The following ERCC6 variants were observed in gnomAD, a reference collection of about 807,000 sequenced individuals.
ERCC6 encodes DNA excision repair protein ERCC-6.
Under a neutral mutation model 158.7 loss-of-function variants are expected in ERCC6, and 116 were observed. The observed-to-expected ratio is 0.73, with a 90% confidence interval of 0.63 to 0.85. The LOEUF (loss-of-function observed/expected upper bound fraction) is 0.85. ERCC6 is among the 40% of genes least tolerant of loss of function. ERCC6 has a pLI of 0.00. For synonymous variants in ERCC6, 678 were observed against 659.3 expected, an observed-to-expected ratio of 1.03 and a Z score of -0.43; for missense variants, 1,698 against 1,799.4, an observed-to-expected ratio of 0.94 and a Z score of 1.02.
In ERCC6 at chr10:49,524,030, G is replaced by A; in HGVS notation, c.1397+3C>T. The A allele has an allele frequency of 3.1e-6, 5 of 1,612,820 alleles. No homozygotes were observed. The highest frequency in any genetic ancestry group is 1.1e-5 in the South Asian group (1 of 91,020). The stretch of plus-strand genomic sequence containing the variant: ...AATGTATTTATAATCCCCACAGACC[G>A]ACCTTAACCGCTGCTTATAATAATC... On this transcript the variant is annotated splice_donor_region_variant and intron_variant, in intron 5 of 20. Coordinates refer to ENST00000355832, the MANE Select transcript of ERCC6 (RefSeq NM_000124.4).
intron 6 of ERCC6, 43 bp from the exon 7 acceptor site, chr10:49,500,739 G>A (rs774155003): frequency 1.9e-6 from 3 of 1,603,356 alleles, no homozygotes; most frequent in Non-Finnish European, 2.6e-6. Context: ...AATGGCAAAT[G>A]GTGGATAATA....
rs574356162 is a variant in ERCC6, at chr10:49,492,269, G to A, written c.1821+848C>T. On this transcript the variant is annotated intron_variant, in intron 8 of 20. Transcript: ENST00000355832. ...CAAACACTCCATAGCCCTTGCAGCC[G>A]GCACTGCTTTCCTGGGCCCCGAGAA... 2.6e-5 allele frequency among the ~76,000 whole-genome samples: 4 copies of A among 152,190 alleles called. No individual in the cohort carries two copies. The South Asian group carries it at 8.3e-4, about 32-fold the overall frequency.
Position 49,516,636 on chromosome 10 carries a change from T to G in ERCC6, c.1397+7397A>C, listed in dbSNP as rs747526005. The G allele has an allele frequency of 1.9e-6, 3 of 1,614,198 alleles. No individual in the cohort carries two copies. Among genetic ancestry groups the G allele is most frequent in the Non-Finnish European group, 2.5e-6 (3 of 1,180,034 alleles). ...ACTGCAAGCATATAAGTTGGAGTACTTGACAATGAGTTCAATGACCTCGTC... is the reference window on the plus strand; with the variant it reads ...ACTGCAAGCATATAAGTTGGAGTACGTGACAATGAGTTCAATGACCTCGTC... On this transcript the variant is annotated intron_variant, in intron 5 of 20. Transcript: ENST00000355832.
At chr10:49,439,017 G>A in the ERCC6 span, among the ~76,000 whole-genome samples, 1 of 152,150 alleles carries the variant, frequency 6.6e-6, no homozygotes, top group Non-Finnish European at 1.5e-5. Flanking sequence ...TGCTTTCATG[G>A]GCTGCCATTG....
chr10:49,487,743 G>C (rs1006514022), intron 8 of ERCC6, among the ~76,000 whole-genome samples: 1 of 152,126 alleles, frequency 6.6e-6, no homozygotes, highest in Non-Finnish European at 1.5e-5. Flanking sequence ...CTTAAGGATT[G>C]AAATTTATCT....
At chr10:49,531,237 T>C (rs569879100) in intron 2 of ERCC6, among the ~76,000 whole-genome samples, 1 of 152,324 alleles carries the variant, frequency 6.6e-6, no homozygotes, top group South Asian at 2.1e-4. Context: ...TCTGGAAGCA[T>C]CCTAAATATG....
intron 18 of ERCC6, among the ~76,000 whole-genome samples, chr10:49,465,722 T>C (rs535262972): frequency 6.6e-6 from 1 of 152,354 alleles, no homozygotes; most frequent in Non-Finnish European, 1.5e-5. Flanking sequence ...GGAATTTCTC[T>C]GCACAAGCTC....
intron 18 of ERCC6, among the ~76,000 whole-genome samples, chr10:49,465,272 C>G (rs1422867472): frequency 1.3e-5 from 2 of 152,174 alleles, no homozygotes; most frequent in Non-Finnish European, 2.9e-5. Context: ...GGCCTATAGC[C>G]CCTTTGTTTT....
chr10:49,515,479 A>G, intron 5 of ERCC6: 1 of 1,614,142 alleles, frequency 6.2e-7, no homozygotes, highest in East Asian at 2.2e-5. Context: ...TCATAACGTG[A>G]GTCAATGTTA....
chr10:49,534,052 T>C (rs1026649223), intron 1 of ERCC6, among the ~76,000 whole-genome samples: 54 of 142,504 alleles, frequency 3.8e-4, no homozygotes, highest in African/African-American at 1.1e-3. Flanking sequence ...GAGAATCACT[T>C]GAACCCAGGA....
intron 8 of ERCC6, among the ~76,000 whole-genome samples, chr10:49,491,412 A>C (rs957971896): frequency 6.6e-6 from 1 of 152,212 alleles, no homozygotes; most frequent in African/African-American, 2.4e-5. Flanking sequence ...TTTCCTCAAA[A>C]GTTAATTAAG....
chr10:49,444,151 A>T, the ERCC6 span, among the ~76,000 whole-genome samples: 5 of 152,114 alleles, frequency 3.3e-5, no homozygotes, highest in Non-Finnish European at 7.4e-5. Flanking sequence ...CCATGCAGAG[A>T]CCTTTGTCTA....
chr10:49,502,287 T>C (rs1851368958), intron 6 of ERCC6: 1 of 152,216 alleles, frequency 6.6e-6, no homozygotes, highest in Non-Finnish European at 1.5e-5. Context: ...TTGCTGCTTA[T>C]TAAGTTTGCT....
At chr10:49,516,910 A>G (rs1444819336) in intron 5 of ERCC6, 2 of 1,614,114 alleles carry the variant, frequency 1.2e-6, no homozygotes, top group Non-Finnish European at 8.5e-7. Flanking sequence ...TCAGCATCAG[A>G]GCCATCTTGA....
Position 49,470,382 on chromosome 10 carries a change from T to C in ERCC6, c.3578A>G (p.Glu1193Gly), listed in dbSNP as rs758647483. ...SKTKHHSVAE[E>G]ETLEKHLRPK... ...TCTCAGATGTTTCTCCAGGGTCTCT[T>C]CTTCTGCCACACTATGATGTTTTGT... is the stretch of plus-strand genomic sequence containing the variant. Residue 1193 changes from glutamate (E) to glycine (G), a missense_variant, in exon 18 of 21, where the codon GAA (glutamate) becomes GGA (glycine). By Grantham distance (98) the Glu-to-Gly change is moderately conservative. Coordinates refer to ENST00000355832, the MANE Select transcript of ERCC6 (RefSeq NM_000124.4). 6.2e-7 allele frequency: 1 copy of C among 1,614,210 alleles called. No homozygotes were observed. The highest frequency in any genetic ancestry group is 8.5e-7 in the Non-Finnish European group (1 of 1,180,030).
In ERCC6 at chr10:49,530,835, C is replaced by T; in HGVS notation, c.428G>A (p.Cys143Tyr). 4 of 1,613,288 alleles carry T rather than the reference C, an allele frequency of 2.5e-6. No homozygotes were observed. The highest frequency in any genetic ancestry group is 1.7e-6 in the Non-Finnish European group (2 of 1,179,674). ...ATTGATTTGCCTTAGGGATGTCGTA[C>T]ATGACCTGAAAAATAAGATAAATTG... The part of the protein sequence containing the change: ...YRSVLDDLTS[C>Y]TTSLRQINKI... Residue 143 changes from cysteine (C) to tyrosine (Y), a missense_variant, in exon 3 of 21, where the codon TGT becomes TAT. Coordinates refer to ENST00000355832, the MANE Select transcript of ERCC6 (RefSeq NM_000124.4).
intron 5 of ERCC6, among the ~76,000 whole-genome samples, chr10:49,507,645 C>G (rs185763349): frequency 3.9e-4 from 59 of 152,272 alleles, no homozygotes; most frequent in Non-Finnish European, 7.2e-4. Flanking sequence ...TCGTTCTTGA[C>G]AGGGGGCAAT....
chr10:49,449,801 C>G (rs1025735310), downstream of ERCC6, among the ~76,000 whole-genome samples: 22 of 152,104 alleles, frequency 1.4e-4, no homozygotes, highest in African/African-American at 5.3e-4. Flanking sequence ...CTGCCCACCT[C>G]AGCCTCCCAA....
At chr10:49,526,567 T>A (rs1463800106) in intron 4 of ERCC6, among the ~76,000 whole-genome samples, 1 of 152,174 alleles carries the variant, frequency 6.6e-6, no homozygotes, top group Non-Finnish European at 1.5e-5. Context: ...GTTCTTGGTT[T>A]TATATATAGT....
Sources: gnomAD v4.1 joint callset for allele counts (sites outside exome capture counted in the v4.1 genomes callset) on GRCh38, gnomAD v4.1.1 for gene constraint, MANE v1.5 for transcripts, NCBI Gene and HGNC (gene_info 2026-07-23, HGNC 2026-07-21) for gene names.